Variants in DENND3 observed in about 807,000 individuals in gnomAD.
DENND3 encodes DENN domain-containing protein 3.
DENND3 carries 88 observed loss-of-function variants against 135.1 expected under a neutral mutation model. The ratio of observed to expected loss-of-function variants is 0.65; its 90% CI spans 0.55 to 0.78. DENND3 has a LOEUF of 0.78. Ranked by LOEUF, DENND3 falls within the 30% of genes least tolerant of loss-of-function variation. DENND3 has a pLI of 0.00. For synonymous variants in DENND3, 693 were observed against 712.3 expected (o/e 0.97, Z 0.43); for missense variants, 1,392 against 1,688.4 (o/e 0.82, Z 3.08).
intron 19 of DENND3, among the ~76,000 whole-genome samples, chr8:141,189,721 G>A (rs1318737444): frequency 1.3e-5 from 2 of 152,228 alleles, no homozygotes; most frequent in African/African-American, 2.4e-5. Flanking sequence ...TAGTGTCGGG[G>A]GCGCCTGTGT....
intron 8 of DENND3, chr8:141,157,769 T>C (rs1819623384): frequency 1.0e-6 from 1 of 985,564 alleles, no homozygotes; most frequent in African/African-American, 1.8e-5. Flanking sequence ...CTTTTTTTTT[T>C]TTTTTTTGGA....
chr8:141,144,130 T>C lies in DENND3; in HGVS notation c.624-18T>C. On this transcript the variant is annotated intron_variant, in intron 4 of 22. Coordinates refer to ENST00000519811, the MANE Select transcript of DENND3 (RefSeq NM_001352890.3). This position sits in a 1 kb window ranked among gnomAD's most constrained non-coding sequence, Gnocchi z 4.4. ...TCATCTTTATTTTGCGGTTTGAGTTTTGTGTTTCGAATTTCAGTTTATTGG... is the reference window on the plus strand; with the variant it reads ...TCATCTTTATTTTGCGGTTTGAGTTCTGTGTTTCGAATTTCAGTTTATTGG... 8 of 1,597,484 alleles carry C rather than the reference T, an allele frequency of 5.0e-6. No homozygotes were observed. Among genetic ancestry groups the C allele is most frequent in the Non-Finnish European group, 6.8e-6 (8 of 1,171,722 alleles).
chr8:141,136,358 C>T, intron 1 of DENND3, 151 bp from the exon 2 acceptor site: 1 of 806,106 alleles, frequency 1.2e-6, no homozygotes, highest in Non-Finnish European at 1.9e-6. Flanking sequence ...AAAGAAGCTT[C>T]CCAGGAGCCC....
At chr8:141,149,872 C>G (rs892533852) in intron 5 of DENND3, among the ~76,000 whole-genome samples, 1 of 152,248 alleles carries the variant, frequency 6.6e-6, no homozygotes, top group Non-Finnish European at 1.5e-5. Context: ...AAATTACCAC[C>G]TTTTCTTGTT....
At chr8:141,143,967 T>C in intron 4 of DENND3, 181 bp from the exon 5 acceptor site, 2 of 542,580 alleles carry the variant, frequency 3.7e-6, no homozygotes, top group Non-Finnish European at 6.5e-6. Flanking sequence ...TGTCAGGCAC[T>C]ACCGCAGACC....
rs184138488 is a variant in DENND3, at chr8:141,175,325, T to C, written c.2401T>C (p.Cys801Arg). The change falls in exon 14 of 23, where the codon TGT (cysteine) becomes CGT (arginine). Residue 801 changes from cysteine to arginine, a missense_variant. Coordinates refer to ENST00000519811, the MANE Select transcript of DENND3 (RefSeq NM_001352890.3). The surrounding 1 kb of genome is among the most constrained non-coding windows in gnomAD (Gnocchi z 5.4). The part of the protein sequence containing the change: ...LVMEHLDKNE[C>R]VCKLSSSVKT... Reference sequence around the variant, plus strand: ...GATGGAACACCTGGATAAAAACGAGTGTGTGTGTAAGTTGTCCAGCTCCGT... The same window carrying C: ...GATGGAACACCTGGATAAAAACGAGCGTGTGTGTAAGTTGTCCAGCTCCGT... The C allele has an allele frequency of 1.2e-6, 2 of 1,613,116 alleles. No homozygotes were observed. The highest frequency in any genetic ancestry group is 1.7e-5 in the Admixed American group (1 of 59,954).
At chr8:141,165,413 G>A (rs1820648539) in intron 11 of DENND3, 124 bp downstream of exon 11, 1 of 676,286 alleles carries the variant, frequency 1.5e-6, no homozygotes. Flanking sequence ...AGAAACTCAT[G>A]ATGAACTGGG....
chr8:141,175,874 G>A lies in DENND3; in HGVS notation c.2535+415G>A, dbSNP rs1433131474. On this transcript the variant is annotated intron_variant, in intron 14 of 22. Coordinates refer to ENST00000519811, the MANE Select transcript of DENND3 (RefSeq NM_001352890.3). This position sits in a 1 kb window ranked among gnomAD's most constrained non-coding sequence, Gnocchi z 5.4. The stretch of plus-strand genomic sequence containing the variant: ...ACATTTTCTAGTCACAGTCGGACCT[G>A]GTTCATATAAAACATAACAAGCTTA... 4.1e-6 allele frequency: 1 copy of A among 241,324 alleles called. No homozygotes were observed. The highest frequency in any genetic ancestry group is 8.4e-6 in the Non-Finnish European group (1 of 119,730). The allele number at this position is 241,324 out of a possible 1,614,324, so 14.9% of individuals were successfully genotyped here.
chr8:141,158,606 T>C (rs934945297), intron 8 of DENND3, among the ~76,000 whole-genome samples: 3 of 152,120 alleles, frequency 2.0e-5, no homozygotes, highest in Non-Finnish European at 2.9e-5. Context: ...ATGATACAGG[T>C]TGTGGGCTGC....
Position 141,128,603 on chromosome 8 carries a change from C to T in DENND3, c.-105C>T. The T allele has an allele frequency of 1.7e-6, 1 of 595,556 alleles. No individual in the cohort carries two copies. Among genetic ancestry groups the T allele is most frequent in the Non-Finnish European group, 2.3e-6 (1 of 441,080 alleles). The allele number at this position is 595,556 out of a possible 1,614,324, so 36.9% of individuals were successfully genotyped here. A position where few individuals can be genotyped will look rare whatever the true frequency, so the allele number is the denominator to read the frequency against. ...AGCCCCGCCCCGCAGACGGCGCTCG[C>T]AGCGCCCCCGGCCCCCAGGCGGCGC... On this transcript the variant is annotated 5_prime_UTR_variant, in exon 1 of 23. Transcript: ENST00000519811. This position sits in a 1 kb window ranked among gnomAD's most constrained non-coding sequence, Gnocchi z 4.5.
Position 141,139,909 on chromosome 8 carries a change from T to C in DENND3, c.502-1294T>C, listed in dbSNP as rs564991835. 1.4e-5 allele frequency among the ~76,000 whole-genome samples: 2 copies of C among 138,902 alleles called. No individual in the cohort carries two copies. The highest frequency in any genetic ancestry group is 4.4e-4 in the South Asian group (2 of 4,530). The allele number at this position is 138,902 out of a possible 152,430, so 91.1% of individuals were successfully genotyped here. On this transcript the variant is annotated intron_variant, in intron 3 of 22. Transcript: ENST00000519811. This position sits in a 1 kb window ranked among gnomAD's most constrained non-coding sequence, Gnocchi z 4.2. ...GGATGACGCTATATCTATCGTTTTT[T>C]TCTTTCTTTTTTTTTTTTGAGACAG...
intron 4 of DENND3, chr8:141,142,955 G>T: frequency 6.5e-6 from 1 of 153,490 alleles, no homozygotes; most frequent in South Asian, 2.0e-4. Flanking sequence ...AGTGTGATTG[G>T]CAACAGATAT....
At chr8:141,193,895 C>T (rs1225869627) in intron 22 of DENND3, 138 bp from the exon 23 acceptor site, 3 of 980,614 alleles carry the variant, frequency 3.1e-6, no homozygotes, top group Non-Finnish European at 4.5e-6. Flanking sequence ...CGGCCCTGAC[C>T]CTCAGGCGGC....
At position 141,139,517 on chromosome 8, in the gene DENND3, C is replaced by G. The variant is rs565971728; in HGVS notation, c.501+1380C>G. ...TCTGTGACCTGGCTGCCAGCAGCCC[C>G]AGGCCTTTCTTCCAGGGTTATGTTA... On this transcript the variant is annotated intron_variant, in intron 3 of 22. Coordinates refer to ENST00000519811, the MANE Select transcript of DENND3 (RefSeq NM_001352890.3). This position sits in a 1 kb window ranked among gnomAD's most constrained non-coding sequence, Gnocchi z 4.2. 7.9e-5 allele frequency among the ~76,000 whole-genome samples: 12 copies of G among 152,258 alleles called. No individual in the cohort carries two copies. The highest frequency in any genetic ancestry group is 2.9e-4 in the African/African-American group (12 of 41,542).
intron 10 of DENND3, among the ~76,000 whole-genome samples, chr8:141,163,932 T>C (rs1589632495): frequency 6.9e-6 from 1 of 145,408 alleles, no homozygotes; most frequent in Admixed American, 6.9e-5. Flanking sequence ...AAAAAAAGTA[T>C]AATTTACTTA....
At position 141,185,363 on chromosome 8, in the gene DENND3, G is replaced by A. The variant is rs532619491; in HGVS notation, c.3084+85G>A. On this transcript the variant is annotated intron_variant, in intron 18 of 22. Transcript: ENST00000519811. Reference sequence around the variant, plus strand: ...GTGTGTTCATCCATATTCGACAGTAGGATACAAGCTATTCCACAGCCTCAC... The same window carrying A: ...GTGTGTTCATCCATATTCGACAGTAAGATACAAGCTATTCCACAGCCTCAC... The A allele has an allele frequency of 1.7e-4, 259 of 1,559,746 alleles. 1 individual carries two copies. In the East Asian group the frequency reaches 2.0e-3, roughly 12 times the overall value.
At chr8:141,148,636 G>A (rs1184699974) in intron 5 of DENND3, among the ~76,000 whole-genome samples, 1 of 152,118 alleles carries the variant, frequency 6.6e-6, no homozygotes, top group Non-Finnish European at 1.5e-5. Flanking sequence ...CATCTATGGA[G>A]TGGGTGAAAT....
rs1823740191 is a variant in DENND3, at chr8:141,185,230, T to C, written c.3036T>C (p.Ser1012=). 19 of 1,614,132 alleles carry C rather than the reference T, an allele frequency of 1.2e-5. No homozygotes were observed. Among genetic ancestry groups the C allele is most frequent in the Non-Finnish European group, 1.4e-5 (17 of 1,180,046 alleles). The part of the protein sequence containing the change: ...SEGKVTVFNA[S]SWTIHQHSFK... ...GCAAGGTGACCGTGTTCAATGCTTC[T>C]TCATGGACCATCCACCAGCACTCCT... Residue 1012 remains serine, a synonymous_variant, in exon 18 of 23, where the codon TCT becomes TCC. Transcript: ENST00000519811.
In DENND3 at chr8:141,146,416, C is replaced by T. The variant is rs1818149232; in HGVS notation, c.735+2157C>T. On this transcript the variant is annotated intron_variant, in intron 5 of 22. Transcript: ENST00000519811. This position sits in a 1 kb window ranked among gnomAD's most constrained non-coding sequence, Gnocchi z 4.3. ...CAGGTTGCTCAGCTATGTGAAGAAA[C>T]CTGTTTGACTCAGCATGTTCCAAAC... Among the ~76,000 whole-genome samples the T allele has an allele frequency of 1.3e-5, 2 of 152,182 alleles. No homozygotes were observed. Among genetic ancestry groups the T allele is most frequent in the Admixed American group, 1.3e-4 (2 of 15,284 alleles).
Sources: allele counts gnomAD v4.1 joint callset (sites outside exome capture counted in the v4.1 genomes callset), GRCh38; gene constraint gnomAD v4.1.1; non-coding constraint Gnocchi (gnomAD v3.1); transcripts MANE v1.5; gene names NCBI Gene and HGNC (gene_info 2026-07-23, HGNC 2026-07-21).